CTNND2: variants seen among roughly 807,000 people sequenced by gnomAD.
CTNND2 encodes the protein catenin delta 2, also known as catenin delta-2.
A neutral mutation model predicts 144.4 loss-of-function variants in CTNND2; 22 were observed. The observed-to-expected ratio is 0.15, with a 90% CI of 0.11 to 0.22. The LOEUF is 0.22. Ranked by LOEUF, CTNND2 falls within the 10% of genes least tolerant of loss-of-function variation. The pLI is 1.00. For missense variants in CTNND2, 1,353 were observed against 1,618.8 expected, an observed-to-expected ratio of 0.84 and a Z score of 2.82; for synonymous variants, 751 against 695.6, an observed-to-expected ratio of 1.08 and a Z score of -1.25.
chr5:11,860,081 A>G (rs578185670), intron 1 of CTNND2, among the ~76,000 whole-genome samples: 1 of 152,374 alleles, frequency 6.6e-6, no homozygotes, highest in South Asian at 2.1e-4. Flanking sequence ...ATCGGATTAA[A>G]TATCTAAAAT....
chr5:11,411,681 C>T (rs2149837921), intron 4 of CTNND2, 29 bp from the exon 5 acceptor site: 4 of 1,268,582 alleles, frequency 3.2e-6, no homozygotes, highest in Non-Finnish European at 4.6e-6. Flanking sequence ...AAGTGATGAA[C>T]AAACACATGG....
intron 10 of CTNND2, among the ~76,000 whole-genome samples, chr5:11,220,507 G>A (rs1010486773): frequency 1.3e-5 from 2 of 152,088 alleles, no homozygotes; most frequent in Non-Finnish European, 2.9e-5. Flanking sequence ...CACTGTCATT[G>A]TCTCTGTGCT....
chr5:11,392,091 G>T (rs1299649596), intron 6 of CTNND2, among the ~76,000 whole-genome samples: 1 of 152,204 alleles, frequency 6.6e-6, no homozygotes, highest in Non-Finnish European at 1.5e-5. Context: ...GTGAGAGAGA[G>T]AAATTTTGCA....
At chr5:11,867,214 G>A (rs1394131178) in intron 1 of CTNND2, among the ~76,000 whole-genome samples, 2 of 152,218 alleles carry the variant, frequency 1.3e-5, no homozygotes, top group East Asian at 3.8e-4. Flanking sequence ...CTTGCTAGAG[G>A]CTGTGGTACT....
chr5:11,771,526 G>GT (rs1267833446), intron 1 of CTNND2, among the ~76,000 whole-genome samples: 1 of 151,996 alleles, frequency 6.6e-6, no homozygotes. Context: ...ATGTTAAAGG[G>GT]TTTTTTTAAA....
intron 1 of CTNND2, among the ~76,000 whole-genome samples, chr5:11,827,875 T>G (rs1793681442): frequency 6.6e-6 from 1 of 152,142 alleles, no homozygotes; most frequent in South Asian, 2.1e-4. Context: ...GTATATAAGA[T>G]TTTGCAAAAT....
chr5:11,019,562 A>G (rs1046712580), intron 17 of CTNND2, among the ~76,000 whole-genome samples: 1 of 152,252 alleles, frequency 6.6e-6, no homozygotes, highest in Non-Finnish European at 1.5e-5. Context: ...TAAAATGCCA[A>G]TACATCACAG....
At chr5:11,891,420 C>T (rs1736951649) in intron 1 of CTNND2, among the ~76,000 whole-genome samples, 1 of 152,208 alleles carries the variant, frequency 6.6e-6, no homozygotes, top group African/African-American at 2.4e-5. Context: ...TTGCTGGTTT[C>T]ATCCTGTGGT....
chr5:11,417,595 C>A (rs960238774), intron 3 of CTNND2, among the ~76,000 whole-genome samples: 1 of 152,136 alleles, frequency 6.6e-6, no homozygotes, highest in South Asian at 2.1e-4. Flanking sequence ...AAATTAAACA[C>A]AAGATAACTC....
intron 12 of CTNND2, among the ~76,000 whole-genome samples, chr5:11,143,091 G>C (rs1479195512): frequency 1.3e-5 from 2 of 152,130 alleles, no homozygotes; most frequent in Non-Finnish European, 2.9e-5. Context: ...AAGGGCAGAG[G>C]AACCCATTTA....
intron 3 of CTNND2, among the ~76,000 whole-genome samples, chr5:11,512,410 C>T (rs549210515): frequency 2.6e-5 from 4 of 152,222 alleles, no homozygotes; most frequent in Non-Finnish European, 2.9e-5. Flanking sequence ...AAAAATTCTG[C>T]GGCTTATCAA....
Position 11,903,515 on chromosome 5 carries a change from T to G in CTNND2, c.37+302A>C. 5.2e-6 allele frequency: 3 copies of G among 577,696 alleles called. No homozygotes were observed. Among genetic ancestry groups the G allele is most frequent in the Non-Finnish European group, 2.5e-6 (1 of 404,358 alleles). 35.8% of individuals were successfully genotyped at this position (577,696 alleles called of 1,614,324 possible). ...GGGTGGCGGGGAGCAGCATTGTCGG[T>G]GTTGCCCTAAATACGCTTCCTCCCG... On this transcript the variant is annotated intron_variant, in intron 1 of 21. Transcript: ENST00000304623. The surrounding 1 kb of genome is among the most constrained non-coding windows in gnomAD (Gnocchi z 5.4).
intron 7 of CTNND2, among the ~76,000 whole-genome samples, chr5:11,366,698 A>G (rs1757019007): frequency 1.3e-5 from 2 of 152,086 alleles, no homozygotes; most frequent in South Asian, 4.1e-4. Flanking sequence ...AAAAACAGTC[A>G]TCACATCCAA....
chr5:11,395,149 C>T lies in CTNND2; in HGVS notation c.612+1882G>A, dbSNP rs61749805. Among the ~76,000 whole-genome samples, 1,280 of 152,292 alleles carry T rather than the reference C, an allele frequency of 8.4e-3. 10 individuals are homozygous for T. Among genetic ancestry groups the T allele is most frequent in the African/African-American group, 0.028 (1,172 of 41,556 alleles). On this transcript the variant is annotated intron_variant, in intron 6 of 21. Coordinates refer to ENST00000304623, the MANE Select transcript of CTNND2 (RefSeq NM_001332.4). ...GTGTCATTATTGGAATGGAATGTGG[C>T]CTCCCTTCTCTCAAGGGTATAACAC...
chr5:11,827,954 T>C (rs1025280052), intron 1 of CTNND2, among the ~76,000 whole-genome samples: 11 of 152,198 alleles, frequency 7.2e-5, no homozygotes, highest in Admixed American at 5.2e-4. Context: ...TCTAGATATA[T>C]AGTCATTGCC....
At chr5:11,719,535 A>G (rs1375821199) in intron 2 of CTNND2, among the ~76,000 whole-genome samples, 1 of 152,214 alleles carries the variant, frequency 6.6e-6, no homozygotes, top group Non-Finnish European at 1.5e-5. Flanking sequence ...ACCACAGAGG[A>G]AAGATTCTTA....
chr5:11,106,631 C>T (rs866570623), intron 14 of CTNND2, among the ~76,000 whole-genome samples: 8 of 152,202 alleles, frequency 5.3e-5, no homozygotes, highest in African/African-American at 1.9e-4. Flanking sequence ...CATGTGCAGA[C>T]AATGCTACAC....
intron 11 of CTNND2, among the ~76,000 whole-genome samples, chr5:11,165,047 G>A (rs905290401): frequency 3.3e-5 from 5 of 152,206 alleles, no homozygotes; most frequent in African/African-American, 7.2e-5. Flanking sequence ...GCCATGTGCT[G>A]TAAGCATCGA....
At chr5:11,705,116 G>A (rs1354402513) in intron 2 of CTNND2, among the ~76,000 whole-genome samples, 2 of 152,160 alleles carry the variant, frequency 1.3e-5, no homozygotes, top group African/African-American at 2.4e-5. Context: ...GCTGACATCT[G>A]TCAATGGTGC....
Sources: gnomAD v4.1 joint callset for allele counts (sites outside exome capture counted in the v4.1 genomes callset) on GRCh38, gnomAD v4.1.1 for gene constraint, Gnocchi (gnomAD v3.1) non-coding constraint, MANE v1.5 for transcripts, NCBI Gene and HGNC (gene_info 2026-07-23, HGNC 2026-07-21) for gene names.